The following LRP1B variants were observed in gnomAD, a reference collection of about 807,000 sequenced individuals.
LRP1B encodes the protein low-density lipoprotein receptor-related protein 1B.
LRP1B carries 217 observed loss-of-function variants against 556.6 expected under a neutral mutation model. That is an observed-to-expected ratio of 0.39 (90% CI 0.35 to 0.44). LRP1B has a LOEUF of 0.44. LRP1B is among the 20% of genes least tolerant of loss of function. LRP1B has a pLI of 1.00. For missense variants in LRP1B, 5,053 were observed against 5,620.8 expected, an observed-to-expected ratio of 0.90 and a Z score of 3.23; for synonymous variants, 2,047 against 1,865.8, an observed-to-expected ratio of 1.10 and a Z score of -2.50.
intron 41 of LRP1B, among the ~76,000 whole-genome samples, chr2:140,676,100 A>G (rs560251567): frequency 7.9e-5 from 12 of 152,314 alleles, no homozygotes; most frequent in East Asian, 3.9e-4. Context: ...CTAAGTACTT[A>G]TTTTCACATA....
chr2:141,056,167 G>A (rs1699173880), intron 9 of LRP1B, among the ~76,000 whole-genome samples: 1 of 151,736 alleles, frequency 6.6e-6, no homozygotes, highest in South Asian at 2.1e-4. Context: ...CAGAAGATGA[G>A]TGAAATGCAA....
intron 1 of LRP1B, among the ~76,000 whole-genome samples, chr2:141,837,096 C>A (rs1044271531): frequency 3.3e-5 from 5 of 151,804 alleles, no homozygotes; most frequent in Non-Finnish European, 7.4e-5. Flanking sequence ...ATTATTCAGT[C>A]CAGCAGGTAT....
At chr2:141,968,103 T>C (rs1374557202) in intron 1 of LRP1B, among the ~76,000 whole-genome samples, 4 of 151,854 alleles carry the variant, frequency 2.6e-5, no homozygotes, top group South Asian at 2.1e-4. Context: ...TAATCAGAGA[T>C]ACAAATTTTG....
At chr2:140,895,824 C>T (rs1693938018) in intron 23 of LRP1B, among the ~76,000 whole-genome samples, 1 of 152,146 alleles carries the variant, frequency 6.6e-6, no homozygotes, top group Admixed American at 6.6e-5. Flanking sequence ...GTCCCACCGT[C>T]AAGCCATCCC....
chr2:141,165,782 T>C (rs979769718), intron 7 of LRP1B, among the ~76,000 whole-genome samples: 8 of 152,054 alleles, frequency 5.3e-5, no homozygotes, highest in African/African-American at 1.9e-4. Flanking sequence ...ATGAAAAATA[T>C]ACAATTATTT....
At chr2:141,172,294 T>C (rs893035068) in intron 7 of LRP1B, among the ~76,000 whole-genome samples, 2 of 152,066 alleles carry the variant, frequency 1.3e-5, no homozygotes, top group African/African-American at 4.8e-5. Context: ...GGCCTGTGTG[T>C]ACTTCTACAA....
intron 6 of LRP1B, among the ~76,000 whole-genome samples, chr2:141,213,190 G>C (rs1682643822): frequency 6.6e-6 from 1 of 150,902 alleles, no homozygotes; most frequent in Admixed American, 6.6e-5. Context: ...AGGCTGATGT[G>C]ATTTTCTTGC....
At chr2:140,926,071 T>C (rs1440634158) in intron 20 of LRP1B, among the ~76,000 whole-genome samples, 11 of 151,456 alleles carry the variant, frequency 7.3e-5, no homozygotes, top group African/African-American at 2.7e-4. Flanking sequence ...TTTTTTTTTT[T>C]TTCTTCTTAA....
chr2:140,961,586 T>C (rs566158647), intron 18 of LRP1B, among the ~76,000 whole-genome samples: 3 of 152,242 alleles, frequency 2.0e-5, no homozygotes, highest in Admixed American at 2.0e-4. Flanking sequence ...AATGTCTTTA[T>C]TAAAAATTAG....
At chr2:140,713,970 A>AACTTACT (rs1486281787) in intron 37 of LRP1B, among the ~76,000 whole-genome samples, 2 of 152,110 alleles carry the variant, frequency 1.3e-5, no homozygotes, top group Admixed American at 1.3e-4. Context: ...GATCTTATGA[A>AACTTACT]ACTTACTACT....
chr2:141,943,166 C>T (rs1245028789), intron 1 of LRP1B, among the ~76,000 whole-genome samples: 1 of 151,764 alleles, frequency 6.6e-6, no homozygotes, highest in Admixed American at 6.6e-5. Flanking sequence ...AATTTGAATC[C>T]CATTTTCTAC....
intron 2 of LRP1B, among the ~76,000 whole-genome samples, chr2:141,654,483 G>C (rs1689925786): frequency 6.6e-6 from 1 of 152,078 alleles, no homozygotes; most frequent in Admixed American, 6.6e-5. Context: ...TGGGCCTCTG[G>C]AGCAGACTCA....
intron 54 of LRP1B, among the ~76,000 whole-genome samples, chr2:140,502,572 G>C (rs1170578592): frequency 2.6e-5 from 4 of 151,986 alleles, no homozygotes; most frequent in Non-Finnish European, 5.9e-5. Context: ...GATATGCAAT[G>C]TTTCATCTTG....
chr2:141,426,134 C>T (rs1680354673), intron 3 of LRP1B, among the ~76,000 whole-genome samples: 2 of 152,026 alleles, frequency 1.3e-5, no homozygotes, highest in South Asian at 4.2e-4. Context: ...CAGCTTTCTA[C>T]ATATGGCTAG....
At chr2:141,688,443 G>C (rs1691392945) in intron 2 of LRP1B, among the ~76,000 whole-genome samples, 1 of 151,778 alleles carries the variant, frequency 6.6e-6, no homozygotes, top group African/African-American at 2.4e-5. Context: ...TTAAAAACCT[G>C]AGGTATAGAT....
At chr2:140,796,699 C>A (rs772284163) in intron 32 of LRP1B, among the ~76,000 whole-genome samples, 13 of 152,170 alleles carry the variant, frequency 8.5e-5, no homozygotes, top group Non-Finnish European at 1.0e-4. Flanking sequence ...TCAGTGCGCA[C>A]TGCAAAGTAA....
chr2:140,873,991 T>G (rs1215360430), intron 25 of LRP1B, among the ~76,000 whole-genome samples: 1 of 151,636 alleles, frequency 6.6e-6, no homozygotes, highest in African/African-American at 2.4e-5. Context: ...TGAGAAAGAG[T>G]CTTGTATAGT....
chr2:141,554,043 T>A lies in LRP1B; in HGVS notation c.206-73510A>T, dbSNP rs189715144. On this transcript the variant is annotated intron_variant, in intron 2 of 90. Transcript: ENST00000389484. ...CAAGATATAGATTATATATCTATAT[T>A]AATAGACATAGATATAGATTATATA... Among the ~76,000 whole-genome samples the A allele has an allele frequency of 7.1e-5, 10 of 141,000 alleles. No individual in the cohort carries two copies. In the East Asian group the frequency reaches 1.9e-3, roughly 27 times the overall value. 92.5% of individuals were successfully genotyped at this position (141,000 alleles called of 152,430 possible). A position where few individuals can be genotyped will look rare whatever the true frequency, so the allele number is the denominator to read the frequency against.
intron 45 of LRP1B, among the ~76,000 whole-genome samples, chr2:140,538,292 T>A (rs904992839): frequency 2.0e-5 from 3 of 152,124 alleles, no homozygotes; most frequent in Non-Finnish European, 4.4e-5. Context: ...TACATGATAC[T>A]GAGGTTTAAG....
Sources: gnomAD v4.1 joint callset for allele counts (sites outside exome capture counted in the v4.1 genomes callset) on GRCh38, gnomAD v4.1.1 for gene constraint, MANE v1.5 for transcripts, NCBI Gene and HGNC (gene_info 2026-07-23, HGNC 2026-07-21) for gene names.